FOCAD: variants seen among roughly 807,000 people sequenced by gnomAD.
FOCAD encodes the protein KIAA1797.
In FOCAD, 198 loss-of-function variants were observed where a neutral mutation model predicts 225.6. That is an observed-to-expected ratio of 0.88 (90% CI 0.78 to 0.99). The LOEUF is 0.99. Among genes scored for constraint, FOCAD ranks in the 50% least tolerant of loss-of-function variants. FOCAD has a pLI of 0.00. For synonymous variants in FOCAD, 897 were observed against 755.0 expected (o/e 1.19, Z -3.08); for missense variants, 2,713 against 2,123.6 (o/e 1.28, Z -5.46).
At chr9:20,660,045 C>A (rs1282852058) in intron 2 of FOCAD, among the ~76,000 whole-genome samples, 1 of 152,146 alleles carries the variant, frequency 6.6e-6, no homozygotes, top group African/African-American at 2.4e-5. Flanking sequence ...GTTTTGTTTT[C>A]AAGATAATGA....
At chr9:20,662,866 A>G (rs1821775461) in intron 2 of FOCAD, among the ~76,000 whole-genome samples, 1 of 152,234 alleles carries the variant, frequency 6.6e-6, no homozygotes, top group Non-Finnish European at 1.5e-5. Flanking sequence ...AATGCATAGT[A>G]TACTTAATAG....
At chr9:20,959,406 T>C (rs1052398007) in intron 35 of FOCAD, among the ~76,000 whole-genome samples, 13 of 152,216 alleles carry the variant, frequency 8.5e-5, no homozygotes, top group Non-Finnish European at 1.9e-4. Context: ...GCTGTTGAGA[T>C]GTTTGAGTTC....
chr9:20,948,282 T>C lies in FOCAD; in HGVS notation c.3687T>C (p.Phe1229=), dbSNP rs1437126404. 2.5e-6 allele frequency: 4 copies of C among 1,609,402 alleles called. No homozygotes were observed. In the East Asian group the frequency reaches 6.7e-5, roughly 27 times the overall value. ...TTTATTTATATCAGACTTCAGGTTT[T>C]GCCCTGGCTTTAGGAAACATAGTTC... The part of the protein sequence containing the change: ...LVENSQQTSG[F]ALALGNIVHG... The change falls in exon 31 of 44, where the codon TTT becomes TTC. Residue 1229 remains phenylalanine, a synonymous_variant. Coordinates refer to ENST00000338382, the MANE Select transcript of FOCAD (RefSeq NM_001375567.1).
intron 23 of FOCAD, among the ~76,000 whole-genome samples, chr9:20,914,313 T>C (rs1564144934): frequency 6.6e-6 from 1 of 152,156 alleles, no homozygotes; most frequent in Admixed American, 6.5e-5. Context: ...AGCCCCTTCT[T>C]TGTCCCTCCA....
rs144580850 is a variant in FOCAD at position 20,835,938 on chromosome 9, T to C, written c.1920+12823T>C. Among the ~76,000 whole-genome samples the C allele has an allele frequency of 3.7e-3, 561 of 152,236 alleles. 4 individuals are homozygous for C. Among genetic ancestry groups the C allele is most frequent in the African/African-American group, 0.013 (536 of 41,570 alleles). On this transcript the variant is annotated intron_variant, in intron 15 of 43. Transcript: ENST00000338382. The stretch of plus-strand genomic sequence containing the variant: ...GCCTTTCCTGGGGATTCTTGACCGC[T>C]AGAAGAGTTCATTTCAGGCCATTTG...
chr9:20,773,309 A>G (rs1818420413), intron 8 of FOCAD, among the ~76,000 whole-genome samples: 2 of 152,218 alleles, frequency 1.3e-5, no homozygotes. Flanking sequence ...TTTTAGTCAA[A>G]TGGTTCAAAC....
chr9:20,962,840 C>G (rs553917320), intron 35 of FOCAD, among the ~76,000 whole-genome samples: 2 of 152,266 alleles, frequency 1.3e-5, no homozygotes, highest in East Asian at 3.9e-4. Flanking sequence ...GTCCGTAAAG[C>G]ATTTCATTAT....
chr9:20,723,178 A>G (rs1825918972), intron 4 of FOCAD, among the ~76,000 whole-genome samples: 1 of 152,226 alleles, frequency 6.6e-6, no homozygotes, highest in Non-Finnish European at 1.5e-5. Context: ...AACCTTGGTT[A>G]TTTTTAAATT....
chr9:20,786,474 G>T (rs4978129), intron 10 of FOCAD, among the ~76,000 whole-genome samples: 127,702 of 152,046 alleles, frequency 0.84, 53,745 homozygotes, highest in Admixed American at 0.9. Context: ...TCTCTTGAGG[G>T]TTTATGTAGT....
chr9:20,926,792 A>G (rs7026915), intron 26 of FOCAD, among the ~76,000 whole-genome samples: 86,977 of 149,138 alleles, frequency 0.58, 26,410 homozygotes, highest in South Asian at 0.68. Flanking sequence ...TCAAAAAAAA[A>G]AAAAAGAAAA....
chr9:20,808,004 T>C (rs927028393), intron 11 of FOCAD, among the ~76,000 whole-genome samples: 56 of 151,454 alleles, frequency 3.7e-4, no homozygotes, highest in African/African-American at 1.3e-3. Context: ...TGAACTGAGA[T>C]GGCGCCACTG....
intron 28 of FOCAD, among the ~76,000 whole-genome samples, chr9:20,935,479 C>A (rs1835861847): frequency 6.6e-6 from 1 of 152,196 alleles, no homozygotes; most frequent in Non-Finnish European, 1.5e-5. Flanking sequence ...TGGCTCACTG[C>A]AACCTCCGCC....
chr9:20,976,949 C>T (rs1840282188), intron 36 of FOCAD, among the ~76,000 whole-genome samples: 2 of 152,178 alleles, frequency 1.3e-5, no homozygotes, highest in Admixed American at 1.3e-4. Context: ...TGAAACAACA[C>T]AAATTTATTA....
intron 5 of FOCAD, among the ~76,000 whole-genome samples, chr9:20,750,635 A>G (rs919303994): frequency 9.9e-5 from 15 of 152,164 alleles, no homozygotes; most frequent in Non-Finnish European, 1.6e-4. Flanking sequence ...ACAATTCTCT[A>G]TTAAGGAGAA....
Position 20,715,364 on chromosome 9 carries a change from A to G in FOCAD, c.11A>G (p.Asp4Gly), listed in dbSNP as rs979453064. 6.6e-7 allele frequency: 1 copy of G among 1,525,976 alleles called. No homozygotes were observed. The highest frequency in any genetic ancestry group is 8.8e-7 in the Non-Finnish European group (1 of 1,130,388). The allele number at this position is 1,525,976 out of a possible 1,614,324, so 94.5% of individuals were successfully genotyped here. ...GTAAGAGAAGCAAAAATGTCAGATGATATCAGGAAAAGGTTTGAATTTCCA... is the reference window on the plus strand; with the variant it reads ...GTAAGAGAAGCAAAAATGTCAGATGGTATCAGGAAAAGGTTTGAATTTCCA... MSD[D>G]IRKRFEFPNS... The change falls in exon 2 of 44, where the codon GAT becomes GGT. Residue 4 changes from aspartate to glycine, a missense_variant. Physicochemically the swap from Asp to Gly is moderately conservative, Grantham distance 94 (BLOSUM62 -1). Transcript: ENST00000338382.
intron 2 of FOCAD, among the ~76,000 whole-genome samples, chr9:20,661,229 C>G (rs1341802795): frequency 1.3e-5 from 2 of 152,024 alleles, no homozygotes; most frequent in African/African-American, 4.8e-5. Context: ...TGGGAGACAA[C>G]CAAAGACTAG....
intron 3 of FOCAD, among the ~76,000 whole-genome samples, chr9:20,718,186 C>G (rs1380171528): frequency 6.6e-6 from 1 of 152,098 alleles, no homozygotes; most frequent in Non-Finnish European, 1.5e-5. Flanking sequence ...ATAGAGTTAC[C>G]TCTGAGGGAA....
At chr9:20,776,266 T>C (rs72703919) in intron 8 of FOCAD, among the ~76,000 whole-genome samples, 2,709 of 152,328 alleles carry the variant, frequency 0.018, 43 homozygotes, top group Non-Finnish European at 0.023. Flanking sequence ...CTTGTACTTC[T>C]AGAGTGCGCT....
intron 24 of FOCAD, among the ~76,000 whole-genome samples, chr9:20,922,082 A>G (rs1372488931): frequency 1.3e-5 from 2 of 152,222 alleles, no homozygotes; most frequent in African/African-American, 4.8e-5. Context: ...TAGAAATAAA[A>G]GATTTAATTT....
Sources: allele counts gnomAD v4.1 joint callset (sites outside exome capture counted in the v4.1 genomes callset), GRCh38; gene constraint gnomAD v4.1.1; transcripts MANE v1.5; gene names NCBI Gene and HGNC (gene_info 2026-07-23, HGNC 2026-07-21).